The following CLASRP variants were observed in gnomAD, a reference collection of about 807,000 sequenced individuals.
The protein encoded by CLASRP is CLK4-associating serine/arginine rich protein.
A neutral mutation model predicts 99.9 loss-of-function variants in CLASRP; 52 were observed. That is an observed-to-expected ratio of 0.52 (90% CI 0.42 to 0.66). CLASRP has a LOEUF of 0.66. CLASRP is among the 30% of genes least tolerant of loss of function. The probability of loss-of-function intolerance (pLI) is 0.00; values close to 1 mark genes in which losing one functional copy is unlikely to be tolerated. For synonymous variants in CLASRP, 379 were observed against 373.0 expected (o/e 1.02, Z -0.18); for missense variants, 848 against 999.2 (o/e 0.85, Z 2.04).
At chr19:45,048,121 AAAG>A (rs1455740540) in intron 2 of CLASRP, among the ~76,000 whole-genome samples, 2 of 151,996 alleles carry the variant, frequency 1.3e-5, no homozygotes, top group African/African-American at 4.8e-5. Context: ...AAATAAATAA[AAAG>A]AAGCAGATTT....
At chr19:45,053,042 C>G (rs1972055337) in intron 4 of CLASRP, 56 bp from the exon 5 acceptor site, 2 of 1,595,702 alleles carry the variant, frequency 1.3e-6, no homozygotes, top group South Asian at 1.1e-5. Flanking sequence ...TTCCTGCTGG[C>G]TTGGGGGGGG....
intron 2 of CLASRP, among the ~76,000 whole-genome samples, chr19:45,044,620 T>G (rs1302912060): frequency 6.6e-6 from 1 of 151,962 alleles, no homozygotes; most frequent in Non-Finnish European, 1.5e-5. Flanking sequence ...TAAAAAAAAA[T>G]TAGCCAGGTT....
chr19:45,069,546 C>A (rs1233094732), intron 18 of CLASRP: 4 of 557,964 alleles, frequency 7.2e-6, no homozygotes, highest in Non-Finnish European at 1.3e-5. Context: ...ACCCCTTCCC[C>A]ACTCACCCAC....
At chr19:45,068,714 T>A (rs77372956) in intron 16 of CLASRP, among the ~76,000 whole-genome samples, 6,591 of 152,250 alleles carry the variant, frequency 0.043, 206 homozygotes, top group Middle Eastern at 0.082. Flanking sequence ...AGAGTGGGGC[T>A]CTTAGCGGGC....
At chr19:45,061,091 G>A (rs985707850) in intron 10 of CLASRP, among the ~76,000 whole-genome samples, 24 of 152,186 alleles carry the variant, frequency 1.6e-4, no homozygotes, top group Admixed American at 1.2e-3. Flanking sequence ...GAGGTCTTGG[G>A]ACAGGTTTGG....
intron 5 of CLASRP, among the ~76,000 whole-genome samples, chr19:45,053,398 G>A (rs1467525084): frequency 4.6e-5 from 7 of 152,072 alleles, no homozygotes; most frequent in Admixed American, 2.0e-4. Context: ...GCAGAGTCAC[G>A]TCCATATACC....
chr19:45,042,017 C>T (rs1971822122), intron 2 of CLASRP, among the ~76,000 whole-genome samples: 1 of 152,214 alleles, frequency 6.6e-6, no homozygotes, highest in South Asian at 2.1e-4. Flanking sequence ...GCTCCCTTTC[C>T]TTCCCCTTTG....
rs746474037 is a variant in CLASRP at position 45,070,526 on chromosome 19, T to C, written c.1958-11T>C. On this transcript the variant is annotated splice_polypyrimidine_tract_variant and intron_variant, in intron 19 of 20. Coordinates refer to ENST00000221455, the MANE Select transcript of CLASRP (RefSeq NM_007056.3). ...TGTTTGCTCGCTCTTCACCTGTTGT[T>C]TTCTTTCCAGGTCGAGAATACAGCT... 7.4e-6 allele frequency: 12 copies of C among 1,613,760 alleles called. No homozygotes were observed. Among genetic ancestry groups the C allele is most frequent in the Admixed American group, 3.3e-5 (2 of 59,998 alleles).
intron 5 of CLASRP, among the ~76,000 whole-genome samples, chr19:45,053,501 G>C (rs186973171): frequency 6.6e-6 from 1 of 151,966 alleles, no homozygotes; most frequent in Admixed American, 6.6e-5. Context: ...TATTTGAGGC[G>C]GAGTTTCGTT....
In CLASRP at chr19:45,057,805, G is replaced by A. The variant is rs4803794; in HGVS notation, c.520G>A (p.Glu174Lys). 26 of 1,613,964 alleles carry A rather than the reference G, an allele frequency of 1.6e-5. No homozygotes were observed. Among genetic ancestry groups the A allele is most frequent in the African/African-American group, 2.7e-5 (2 of 74,902 alleles). Residue 174 changes from glutamate (E) to lysine (K), a missense_variant, in exon 7 of 21, where the codon GAG (glutamate) becomes AAG (lysine). By Grantham distance (56) the Glu-to-Lys change is moderately conservative. This residue lies in a region of CLASRP where 119 missense variants were observed against 170.2 expected (regional missense o/e 0.70). Coordinates refer to ENST00000221455, the MANE Select transcript of CLASRP (RefSeq NM_007056.3). ...TACCTACGAGGACAGCACGGTGGCC[G>A]AGGTAGAGAAGGCGGCAGAAAAGCC... The part of the protein sequence containing the change: ...GYTYEDSTVA[E>K]VEKAAEKPEE...
At chr19:45,066,462 G>A (rs1774756409) in intron 13 of CLASRP, among the ~76,000 whole-genome samples, 1 of 151,418 alleles carries the variant, frequency 6.6e-6, no homozygotes, top group Non-Finnish European at 1.5e-5. Context: ...TTATAAAAAC[G>A]CAATTCAAAA....
intron 2 of CLASRP, among the ~76,000 whole-genome samples, chr19:45,048,139 G>A (rs562919957): frequency 1.3e-5 from 2 of 152,020 alleles, no homozygotes; most frequent in Non-Finnish European, 2.9e-5. Flanking sequence ...AGATTTTGTA[G>A]TCAGGCCCAT....
At chr19:45,068,321 A>AC (rs59705171) in intron 15 of CLASRP, 99 bp from the exon 16 acceptor site, 14,858 of 385,188 alleles carry the variant, frequency 0.039, 56 homozygotes, top group Middle Eastern at 0.049. Context: ...TCCCCCCCCC[A>AC]CCCCCCCCCC....
chr19:45,056,589 C>CA, intron 6 of CLASRP, 55 bp downstream of exon 6: 1 of 1,457,386 alleles, frequency 6.9e-7, no homozygotes, highest in Non-Finnish European at 9.6e-7. Flanking sequence ...CTGGGAGCCC[C>CA]AGCCAGGCAT....
At chr19:45,040,046 G>A in intron 1 of CLASRP, 138 bp from the exon 2 acceptor site, 4 of 556,668 alleles carry the variant, frequency 7.2e-6, no homozygotes, top group Non-Finnish European at 6.5e-6. Context: ...ATACTGTTCT[G>A]CAGCTTCACT....
chr19:45,039,918 C>T (rs1971780902), intron 1 of CLASRP: 1 of 257,650 alleles, frequency 3.9e-6, no homozygotes, highest in Non-Finnish European at 7.8e-6. Flanking sequence ...CCGACTCCAG[C>T]GCGTGGAATC....
At chr19:45,064,673 G>A in intron 13 of CLASRP, 43 bp downstream of exon 13, 2 of 1,501,132 alleles carry the variant, frequency 1.3e-6, no homozygotes, top group East Asian at 2.4e-5. Context: ...CTGGGGGGGC[G>A]CGGTCTCCGA....
Position 45,067,241 on chromosome 19 carries a change from T to A in CLASRP, c.1410-96T>A. Reference sequence around the variant, plus strand: ...AGAGTCGAGCCTGTCACCCTGGGCCTTGCAGGAAGGAGGACTGTGGATCCG... The same window carrying A: ...AGAGTCGAGCCTGTCACCCTGGGCCATGCAGGAAGGAGGACTGTGGATCCG... On this transcript the variant is annotated intron_variant, in intron 13 of 20. Transcript: ENST00000221455. This position sits in a 1 kb window ranked among gnomAD's most constrained non-coding sequence, Gnocchi z 4.9. 7.4e-7 allele frequency: 1 copy of A among 1,357,946 alleles called. No homozygotes were observed. The highest frequency in any genetic ancestry group is 2.9e-5 in the Admixed American group (1 of 35,008). The allele number at this position is 1,357,946 out of a possible 1,614,324, so 84.1% of individuals were successfully genotyped here.
At chr19:45,068,589 C>G in intron 16 of CLASRP, 109 bp downstream of exon 16, 12 of 837,456 alleles carry the variant, frequency 1.4e-5, no homozygotes, top group South Asian at 1.4e-4. Flanking sequence ...CCTAGAGAGG[C>G]CACGCAGGCA....
Sources: allele counts gnomAD v4.1 joint callset (sites outside exome capture counted in the v4.1 genomes callset), GRCh38; gene constraint gnomAD v4.1.1; regional missense constraint gnomAD v4.1.1; non-coding constraint Gnocchi (gnomAD v3.1); transcripts MANE v1.5; gene names NCBI Gene and HGNC (gene_info 2026-07-23, HGNC 2026-07-21).